The following USP54 variants were observed in gnomAD, a reference collection of about 807,000 sequenced individuals.
The protein encoded by USP54 is ubiquitin carboxyl-terminal hydrolase 54.
A neutral mutation model predicts 170.5 loss-of-function variants in USP54; 87 were observed. The observed-to-expected ratio is 0.51, with a 90% confidence interval of 0.43 to 0.61. The LOEUF (loss-of-function observed/expected upper bound fraction) is 0.61, where lower values mean the gene tolerates loss of function less well. Ranked by LOEUF, USP54 falls within the 20% of genes least tolerant of loss-of-function variation. USP54 has a pLI of 0.00. For missense variants in USP54, 1,786 were observed against 2,047.8 expected, an observed-to-expected ratio of 0.87 and a Z score of 2.47; for synonymous variants, 655 against 742.8, an observed-to-expected ratio of 0.88 and a Z score of 1.92.
chr10:73,536,473 T>C, intron 10 of USP54, 36 bp from the exon 11 acceptor site: 1 of 1,495,960 alleles, frequency 6.7e-7, no homozygotes. Flanking sequence ...ATGACAATTA[T>C]ACTTTATACC....
chr10:73,569,693 G>A (rs1460836671), intron 4 of USP54, among the ~76,000 whole-genome samples: 3 of 150,300 alleles, frequency 2.0e-5, no homozygotes, highest in African/African-American at 4.9e-5. Context: ...CAGAGGTTGC[G>A]GTGAGCCAAG....
chr10:73,516,175 T>C (rs1210962014), intron 20 of USP54, among the ~76,000 whole-genome samples, 200 bp downstream of exon 20: 4 of 152,134 alleles, frequency 2.6e-5, no homozygotes, highest in Non-Finnish European at 4.4e-5. Context: ...CTATGAGTGG[T>C]AATTCTGCCC....
rs552605345 is a variant in USP54, at chr10:73,573,891, T to C, written c.147+1621A>G. ...TACCTGTACAAAGTCACAAGACTAG[T>C]CTACAGAATGGCTAAAACTACAACC... On this transcript the variant is annotated intron_variant, in intron 3 of 23. Transcript: ENST00000687698. Among the ~76,000 whole-genome samples, 3 of 152,372 alleles carry C rather than the reference T, an allele frequency of 2.0e-5. No homozygotes were observed. In the East Asian group the frequency reaches 5.8e-4, roughly 29 times the overall value.
intron 1 of USP54, among the ~76,000 whole-genome samples, chr10:73,576,875 C>T (rs1032466636): frequency 6.6e-6 from 1 of 152,226 alleles, no homozygotes; most frequent in African/African-American, 2.4e-5. Flanking sequence ...GAGTAAACCA[C>T]ATGTCCTTAA....
chr10:73,605,613 C>T (rs2079557103), intron 1 of USP54, among the ~76,000 whole-genome samples: 1 of 152,046 alleles, frequency 6.6e-6, no homozygotes, highest in African/African-American at 2.4e-5. Context: ...CCTAAGAGAA[C>T]AGGTAAGCAA....
At chr10:73,580,879 T>C (rs1448429722) in intron 1 of USP54, among the ~76,000 whole-genome samples, 5 of 152,130 alleles carry the variant, frequency 3.3e-5, no homozygotes, top group African/African-American at 9.7e-5. Context: ...GTGCCTGGCA[T>C]CTATTATATT....
chr10:73,530,771 G>T lies in USP54; in HGVS notation c.1380C>A (p.Arg460=). The T allele has an allele frequency of 6.2e-7, 1 of 1,613,924 alleles. No homozygotes were observed. Among genetic ancestry groups the T allele is most frequent in the East Asian group, 2.2e-5 (1 of 44,886 alleles). Residue 460 remains arginine (R), a synonymous_variant, in exon 13 of 24, where the codon CGC becomes CGA. Transcript: ENST00000687698. ...HTSKKGSLIE[R]KRSSGRVRRK... ...TCCTAACCCGACCAGAGCTCCTCTT[G>T]CGCTCTATCAGTGACCCTTTCTTGG...
chr10:73,514,913 G>A (rs932050626), intron 20 of USP54, among the ~76,000 whole-genome samples: 7 of 151,592 alleles, frequency 4.6e-5, no homozygotes, highest in African/African-American at 9.7e-5. Flanking sequence ...GGTGGTGGAC[G>A]CCTGTAATCT....
intron 5 of USP54, 21 bp from the exon 6 acceptor site, chr10:73,543,152 G>A: frequency 6.6e-7 from 1 of 1,522,532 alleles, no homozygotes; most frequent in Non-Finnish European, 9.1e-7. Context: ...AAGAACAAAA[G>A]CAGTATACCA....
At chr10:73,552,236 A>G (rs1405108329) in intron 4 of USP54, among the ~76,000 whole-genome samples, 1 of 152,190 alleles carries the variant, frequency 6.6e-6, no homozygotes, top group African/African-American at 2.4e-5. Flanking sequence ...AATATGGTGA[A>G]ATCCCGTCTC....
chr10:73,523,739 A>AT lies in USP54; in HGVS notation c.2205dup (p.Ser736IlefsTer3). 1 of 1,613,324 alleles carries AT rather than the reference A, an allele frequency of 6.2e-7. No homozygotes were observed. On this transcript the variant is annotated frameshift_variant, in exon 17 of 24. Coordinates refer to ENST00000687698, the MANE Select transcript of USP54 (RefSeq NM_001391956.1). LOFTEE classifies it high-confidence loss of function. ...AATTCATCCAGTTCACTTTTAGAAGATATCTCCTCACCTGTAATATAAGCA... is the reference window on the plus strand; with the variant it reads ...AATTCATCCAGTTCACTTTTAGAAGATTATCTCCTCACCTGTAATATAAGCA...
chr10:73,548,622 C>T (rs2068432335), intron 4 of USP54, among the ~76,000 whole-genome samples: 1 of 152,110 alleles, frequency 6.6e-6, no homozygotes, highest in South Asian at 2.1e-4. Flanking sequence ...AGCAAACTAT[C>T]ACAAGGACAG....
intron 1 of USP54, among the ~76,000 whole-genome samples, chr10:73,606,175 C>CAAAAAAA (rs1178699732): frequency 7.8e-5 from 2 of 25,622 alleles, no homozygotes; most frequent in Non-Finnish European, 2.0e-4. Flanking sequence ...GAGGCTGTCT[C>CAAAAAAA]AAAAAAAAAA....
chr10:73,500,918 C>A (rs1029437511), intron 22 of USP54, 80 bp from the exon 23 acceptor site: 21 of 1,458,164 alleles, frequency 1.4e-5, no homozygotes, highest in Non-Finnish European at 1.9e-5. Context: ...CACAGTGAGG[C>A]AAGCAAAGGG....
At chr10:73,558,159 C>CAT (rs2071683463) in intron 4 of USP54, among the ~76,000 whole-genome samples, 1 of 152,144 alleles carries the variant, frequency 6.6e-6, no homozygotes, top group African/African-American at 2.4e-5. Flanking sequence ...GAATTACAGG[C>CAT]ATGAGCCACC....
At chr10:73,600,690 G>A (rs1250091157) in intron 1 of USP54, among the ~76,000 whole-genome samples, 1 of 152,136 alleles carries the variant, frequency 6.6e-6, no homozygotes, top group Non-Finnish European at 1.5e-5. Flanking sequence ...GAGGCAGGCG[G>A]ATCACCTGAG....
At chr10:73,546,634 C>T (rs2067894717) in intron 4 of USP54, 2 of 152,100 alleles carry the variant, frequency 1.3e-5, no homozygotes, top group Admixed American at 1.3e-4. Context: ...TGCGCCCAGC[C>T]TTATTAGTAT....
chr10:73,504,735 C>T, intron 22 of USP54, 115 bp downstream of exon 22: 3 of 1,391,536 alleles, frequency 2.2e-6, no homozygotes, highest in Non-Finnish European at 3.0e-6. Context: ...GCTGAGTACA[C>T]AGGGCCTTTC....
At chr10:73,520,786 T>C (rs2061770050) in intron 18 of USP54, 122 bp downstream of exon 18, 1 of 1,403,734 alleles carries the variant, frequency 7.1e-7, no homozygotes, top group Admixed American at 1.9e-5. Context: ...GCGACTCAGT[T>C]TGGGAGAGCA....
Sources: allele counts gnomAD v4.1 joint callset (sites outside exome capture counted in the v4.1 genomes callset), GRCh38; gene constraint gnomAD v4.1.1; transcripts MANE v1.5; gene names NCBI Gene and HGNC (gene_info 2026-07-23, HGNC 2026-07-21).